The following RBMS3 variants were observed in gnomAD, a reference collection of about 807,000 sequenced individuals.
The protein encoded by RBMS3 is RNA-binding motif, single-stranded-interacting protein 3.
Under a neutral mutation model 66.8 loss-of-function variants are expected in RBMS3, and 27 were observed. The observed-to-expected ratio is 0.40, with a 90% CI of 0.30 to 0.56. The LOEUF is 0.56. RBMS3 is among the 20% of genes least tolerant of loss of function. The pLI is 0.40. For synonymous variants in RBMS3, 188 were observed against 183.0 expected, an observed-to-expected ratio of 1.03 and a Z score of -0.22; for missense variants, 513 against 549.5, an observed-to-expected ratio of 0.93 and a Z score of 0.66.
chr3:29,593,427 C>G (rs1185464347), intron 4 of RBMS3, among the ~76,000 whole-genome samples: 1 of 152,164 alleles, frequency 6.6e-6, no homozygotes, highest in Non-Finnish European at 1.5e-5. Flanking sequence ...AACATAGAGG[C>G]TTCTCAAGGG....
At chr3:29,424,523 C>T (rs1258889371) in intron 1 of RBMS3, among the ~76,000 whole-genome samples, 1 of 152,098 alleles carries the variant, frequency 6.6e-6, no homozygotes, top group Non-Finnish European at 1.5e-5. Context: ...AGGCTGGACA[C>T]ATTATGGAGT....
At chr3:29,696,746 T>C (rs2052296747) in intron 4 of RBMS3, among the ~76,000 whole-genome samples, 1 of 152,152 alleles carries the variant, frequency 6.6e-6, no homozygotes, top group South Asian at 2.1e-4. Flanking sequence ...CACTGATAGA[T>C]GGCGATCGGG....
At position 29,745,632 on chromosome 3, in the gene RBMS3, C is replaced by A. The variant is rs80256501; in HGVS notation, c.557+5755C>A. Reference sequence around the variant, plus strand: ...GCAGGGGGAGCATTCACAATTAATCCAGCTTCAACATCTGGGAACATAGAA... The same window carrying A: ...GCAGGGGGAGCATTCACAATTAATCAAGCTTCAACATCTGGGAACATAGAA... On this transcript the variant is annotated intron_variant, in intron 5 of 14. Transcript: ENST00000383767. Among the ~76,000 whole-genome samples the A allele has an allele frequency of 4.1e-3, 624 of 152,200 alleles. 15 individuals are homozygous for A. Among genetic ancestry groups the A allele is most frequent in the Admixed American group, 0.035 (531 of 15,296 alleles).
chr3:29,386,656 G>A (rs1406318153), intron 1 of RBMS3, among the ~76,000 whole-genome samples: 1 of 152,102 alleles, frequency 6.6e-6, no homozygotes, highest in Non-Finnish European at 1.5e-5. Context: ...ATACAGACAT[G>A]CTGCAATGCT....
At chr3:29,491,657 C>T (rs1022575761) in intron 3 of RBMS3, among the ~76,000 whole-genome samples, 6 of 152,146 alleles carry the variant, frequency 3.9e-5, no homozygotes, top group African/African-American at 1.4e-4. Context: ...GGCTGTGGAA[C>T]AGCCTAGGAA....
At chr3:29,522,271 C>T (rs2044889865) in intron 3 of RBMS3, among the ~76,000 whole-genome samples, 2 of 152,118 alleles carry the variant, frequency 1.3e-5, no homozygotes, top group South Asian at 4.1e-4. Context: ...CGGCTCACTG[C>T]AACCTCCACC....
chr3:29,778,085 G>A (rs2056488813), intron 6 of RBMS3, among the ~76,000 whole-genome samples: 1 of 151,784 alleles, frequency 6.6e-6, no homozygotes, highest in Admixed American at 6.6e-5. Flanking sequence ...TTTCCATCAG[G>A]CTGTTTTATT....
chr3:29,498,343 T>A (rs2043840853), intron 3 of RBMS3, among the ~76,000 whole-genome samples: 1 of 152,132 alleles, frequency 6.6e-6, no homozygotes, highest in Non-Finnish European at 1.5e-5. Context: ...AATGTGGAGT[T>A]ATTCTTTTTA....
intron 12 of RBMS3, among the ~76,000 whole-genome samples, chr3:29,979,840 G>A (rs1196480629): frequency 6.6e-6 from 1 of 152,196 alleles, no homozygotes. Flanking sequence ...TATCATTGAA[G>A]GGCGTTTGGG....
chr3:29,616,859 G>A (rs1013687123), intron 4 of RBMS3: 1 of 152,158 alleles, frequency 6.6e-6, no homozygotes, highest in African/African-American at 2.4e-5. Flanking sequence ...GATTTAAAAT[G>A]TTCAATAGTA....
intron 12 of RBMS3, among the ~76,000 whole-genome samples, chr3:29,977,154 T>A (rs1038403764): frequency 3.3e-5 from 5 of 152,104 alleles, no homozygotes; most frequent in Non-Finnish European, 7.4e-5. Context: ...GTTAACCAGC[T>A]TCATCAGTTT....
chr3:29,965,921 G>C (rs893240208), intron 12 of RBMS3, among the ~76,000 whole-genome samples: 2 of 152,128 alleles, frequency 1.3e-5, no homozygotes, highest in African/African-American at 4.8e-5. Flanking sequence ...GAGAGATGAG[G>C]ATCCAGTTTC....
intron 4 of RBMS3, among the ~76,000 whole-genome samples, chr3:29,618,807 A>G (rs2048764471): frequency 6.6e-6 from 1 of 152,212 alleles, no homozygotes; most frequent in African/African-American, 2.4e-5. Context: ...CGTGCAGCCC[A>G]TAGCAACTTT....
chr3:29,953,258 G>A (rs1045630340), intron 12 of RBMS3, among the ~76,000 whole-genome samples: 6 of 151,818 alleles, frequency 4.0e-5, no homozygotes, highest in African/African-American at 1.4e-4. Flanking sequence ...AGAAAGAAGG[G>A]CTCGAGCTGT....
At chr3:29,308,656 T>G (rs550704783) in intron 1 of RBMS3, among the ~76,000 whole-genome samples, 1 of 150,822 alleles carries the variant, frequency 6.6e-6, no homozygotes, top group African/African-American at 2.4e-5. Flanking sequence ...TAGAATTACA[T>G]GTAAATGTCT....
intron 6 of RBMS3, among the ~76,000 whole-genome samples, chr3:29,768,341 C>T (rs1436794440): frequency 1.3e-5 from 2 of 151,818 alleles, no homozygotes; most frequent in Non-Finnish European, 2.9e-5. Context: ...CCACATCTGA[C>T]ATTGTGAAGG....
chr3:29,801,005 G>GCA (rs3070792), intron 6 of RBMS3, among the ~76,000 whole-genome samples: 55,434 of 148,690 alleles, frequency 0.37, 10,322 homozygotes, highest in Non-Finnish European at 0.42. Context: ...ACACACGCAT[G>GCA]CACACACACA....
intron 1 of RBMS3, among the ~76,000 whole-genome samples, chr3:29,359,727 T>C (rs902323517): frequency 2.6e-5 from 4 of 152,310 alleles, no homozygotes; most frequent in Admixed American, 2.6e-4. Flanking sequence ...TTTCAGAGCC[T>C]GTTATTGGTC....
chr3:29,609,139 T>C (rs2048407597), intron 4 of RBMS3, among the ~76,000 whole-genome samples: 1 of 152,042 alleles, frequency 6.6e-6, no homozygotes, highest in South Asian at 2.1e-4. Flanking sequence ...GATATAGACA[T>C]AAAACTCATC....
Sources: allele counts gnomAD v4.1 joint callset (sites outside exome capture counted in the v4.1 genomes callset), GRCh38; gene constraint gnomAD v4.1.1; transcripts MANE v1.5; gene names NCBI Gene and HGNC (gene_info 2026-07-23, HGNC 2026-07-21).